The following PCDH9 variants were observed in gnomAD, a reference collection of about 807,000 sequenced individuals.
The protein encoded by PCDH9 is protocadherin 9.
In PCDH9, 24 loss-of-function variants were observed where a neutral mutation model predicts 70.6. The ratio of observed to expected loss-of-function variants is 0.34; its 90% CI spans 0.25 to 0.48. PCDH9 has a LOEUF of 0.48. Among genes scored for constraint, PCDH9 ranks in the 20% least tolerant of loss-of-function variants. The pLI is 0.99. For missense variants in PCDH9, 1,281 were observed against 1,503.6 expected, an observed-to-expected ratio of 0.85 and a Z score of 2.45; for synonymous variants, 562 against 558.5, an observed-to-expected ratio of 1.01 and a Z score of -0.09.
intron 3 of PCDH9, among the ~76,000 whole-genome samples, chr13:66,887,091 G>T (rs1446097499): frequency 2.8e-5 from 4 of 145,214 alleles, no homozygotes; most frequent in Non-Finnish European, 6.0e-5. Flanking sequence ...TGTATTTCTA[G>T]ACAATTCATT....
chr13:67,189,070 T>C (rs1345674092), intron 2 of PCDH9, among the ~76,000 whole-genome samples: 1 of 151,950 alleles, frequency 6.6e-6, no homozygotes, highest in Non-Finnish European at 1.5e-5. Flanking sequence ...GTTACTTCAC[T>C]TAGAATAATA....
At chr13:66,402,306 T>C (rs1957202228) in intron 4 of PCDH9, among the ~76,000 whole-genome samples, 1 of 152,138 alleles carries the variant, frequency 6.6e-6, no homozygotes, top group African/African-American at 2.4e-5. Flanking sequence ...GAGTTCCTGT[T>C]AAGTAAACAA....
intron 4 of PCDH9, among the ~76,000 whole-genome samples, chr13:66,392,899 T>C (rs1172160608): frequency 6.6e-6 from 1 of 152,088 alleles, no homozygotes; most frequent in African/African-American, 2.4e-5. Flanking sequence ...TTTTTTTTTT[T>C]TTTTCTGAAG....
intron 3 of PCDH9, among the ~76,000 whole-genome samples, chr13:66,805,006 A>G (rs2080389014): frequency 6.6e-6 from 1 of 152,146 alleles, no homozygotes; most frequent in Non-Finnish European, 1.5e-5. Flanking sequence ...CAGGAGATCC[A>G]TGGAAGGGGT....
chr13:66,449,985 A>G (rs1716113072), intron 4 of PCDH9, among the ~76,000 whole-genome samples: 1 of 152,158 alleles, frequency 6.6e-6, no homozygotes, highest in African/African-American at 2.4e-5. Context: ...TAGGCAGGAC[A>G]ATTGCTTTGG....
At chr13:66,963,500 T>A (rs2083382716) in intron 2 of PCDH9, among the ~76,000 whole-genome samples, 1 of 152,350 alleles carries the variant, frequency 6.6e-6, no homozygotes, top group African/African-American at 2.4e-5. Flanking sequence ...GGAATCTAAT[T>A]AAATTTTTAA....
chr13:66,403,384 C>A (rs1452099978), intron 4 of PCDH9, among the ~76,000 whole-genome samples: 3 of 151,888 alleles, frequency 2.0e-5, no homozygotes, highest in African/African-American at 7.3e-5. Context: ...TGGGCTCAAG[C>A]AACCTGTCTG....
intron 3 of PCDH9, among the ~76,000 whole-genome samples, chr13:66,647,117 C>A (rs1298514763): frequency 2.0e-5 from 3 of 152,028 alleles, no homozygotes; most frequent in African/African-American, 4.8e-5. Flanking sequence ...GCAGTCTAGG[C>A]CACAGGGACT....
intron 3 of PCDH9, among the ~76,000 whole-genome samples, chr13:66,738,319 A>T (rs1399921103): frequency 1.3e-5 from 2 of 151,764 alleles, no homozygotes; most frequent in African/African-American, 4.8e-5. Context: ...CAGAAAGGAC[A>T]TCCACACCGA....
intron 2 of PCDH9, among the ~76,000 whole-genome samples, chr13:67,128,031 T>C (rs1403329115): frequency 3.3e-5 from 5 of 152,154 alleles, no homozygotes; most frequent in Non-Finnish European, 5.9e-5. Flanking sequence ...GCTTGTTAGA[T>C]AAGCTCTGCA....
chr13:67,186,756 A>T (rs1308678223), intron 2 of PCDH9, among the ~76,000 whole-genome samples: 2 of 152,196 alleles, frequency 1.3e-5, no homozygotes, highest in Non-Finnish European at 2.9e-5. Context: ...AATTCATTAG[A>T]TATACTAATG....
chr13:66,803,080 GT>G (rs1053330709), intron 3 of PCDH9, among the ~76,000 whole-genome samples: 2 of 149,416 alleles, frequency 1.3e-5, no homozygotes, highest in Admixed American at 1.4e-4. Context: ...TACACACAGT[GT>G]CAAGGTTGAA....
chr13:66,585,804 G>A lies in PCDH9; in HGVS notation c.3340+45406C>T, dbSNP rs982979612. ...TAGCAATTACATTGGACTGTATTGCGGTGTGCAGAGGTGAACAAATGATCT... is the reference window on the plus strand; with the variant it reads ...TAGCAATTACATTGGACTGTATTGCAGTGTGCAGAGGTGAACAAATGATCT... On this transcript the variant is annotated intron_variant, in intron 4 of 4. Coordinates refer to ENST00000377865, the MANE Select transcript of PCDH9 (RefSeq NM_203487.3). 2.6e-5 allele frequency among the ~76,000 whole-genome samples: 4 copies of A among 151,888 alleles called. No individual in the cohort carries two copies. In the East Asian group the frequency reaches 5.8e-4, roughly 22 times the overall value.
At chr13:67,137,325 A>T (rs2087258151) in intron 2 of PCDH9, among the ~76,000 whole-genome samples, 1 of 152,106 alleles carries the variant, frequency 6.6e-6, no homozygotes, top group African/African-American at 2.4e-5. Flanking sequence ...AACTATTTAA[A>T]TCATATCGTT....
intron 2 of PCDH9, among the ~76,000 whole-genome samples, chr13:67,149,020 G>T (rs375313251): frequency 9.2e-5 from 14 of 152,008 alleles, no homozygotes; most frequent in Admixed American, 5.2e-4. Context: ...ACTTACAAAG[G>T]TTTTTACCTT....
In PCDH9 at chr13:66,604,128, C is replaced by T. The variant is rs534298584; in HGVS notation, c.3340+27082G>A. Among the ~76,000 whole-genome samples, 5 of 152,042 alleles carry T rather than the reference C, an allele frequency of 3.3e-5. No individual in the cohort carries two copies. The East Asian group carries it at 5.8e-4, about 18-fold the overall frequency. On this transcript the variant is annotated intron_variant, in intron 4 of 4. Transcript: ENST00000377865. Reference sequence around the variant, plus strand: ...AGTCCTCACCACGGCCCCATTCCTCCGCACTTGCAGATTTCCCCTTGCTCA... The same window carrying T: ...AGTCCTCACCACGGCCCCATTCCTCTGCACTTGCAGATTTCCCCTTGCTCA...
intron 2 of PCDH9, among the ~76,000 whole-genome samples, chr13:67,189,556 C>T (rs566003709): frequency 3.4e-4 from 51 of 151,990 alleles, no homozygotes; most frequent in African/African-American, 1.1e-3. Context: ...AACAAGGATA[C>T]GGCTTAACTG....
chr13:66,669,331 T>C (rs2078140748), intron 3 of PCDH9, among the ~76,000 whole-genome samples: 1 of 152,216 alleles, frequency 6.6e-6, no homozygotes, highest in Non-Finnish European at 1.5e-5. Flanking sequence ...TCAGGTTGTT[T>C]TCACTCTGAA....
In PCDH9 at chr13:66,742,025, G is replaced by T. The variant is rs1318074224; in HGVS notation, c.3139-110614C>A. On this transcript the variant is annotated intron_variant, in intron 3 of 4. Coordinates refer to ENST00000377865, the MANE Select transcript of PCDH9 (RefSeq NM_203487.3). ...TTCATATGGAACCAAAAAAGAGCCCGCATTGCCAAGTCAATCCTAAGCCAA... is the reference window on the plus strand; with the variant it reads ...TTCATATGGAACCAAAAAAGAGCCCTCATTGCCAAGTCAATCCTAAGCCAA... Among the ~76,000 whole-genome samples, 40 of 121,242 alleles carry T rather than the reference G, an allele frequency of 3.3e-4. No individual in the cohort carries two copies. In the East Asian group the frequency reaches 0.01, roughly 31 times the overall value. The allele number at this position is 121,242 out of a possible 152,430, so 79.5% of individuals were successfully genotyped here.
Sources: allele counts gnomAD v4.1 joint callset (sites outside exome capture counted in the v4.1 genomes callset), GRCh38; gene constraint gnomAD v4.1.1; transcripts MANE v1.5; gene names NCBI Gene and HGNC (gene_info 2026-07-23, HGNC 2026-07-21).